The following SKAP2 variants were observed in gnomAD, a reference collection of about 807,000 sequenced individuals.
SKAP2 encodes src kinase-associated phosphoprotein 2.
SKAP2 carries 28 observed loss-of-function variants against 54.9 expected under a neutral mutation model. The observed-to-expected ratio is 0.51, with a 90% CI of 0.38 to 0.70. The LOEUF (loss-of-function observed/expected upper bound fraction) is 0.70, where lower values mean the gene tolerates loss of function less well. Ranked by LOEUF, SKAP2 falls within the 30% of genes least tolerant of loss-of-function variation. SKAP2 has a pLI of 0.00. For missense variants in SKAP2, 356 were observed against 424.1 expected (o/e 0.84, Z 1.41); for synonymous variants, 137 against 134.3 (o/e 1.02, Z -0.14).
chr7:26,731,716 CT>C (rs777421703), intron 6 of SKAP2, among the ~76,000 whole-genome samples: 2 of 152,114 alleles, frequency 1.3e-5, no homozygotes, highest in African/African-American at 2.4e-5. Context: ...TGTGATATTT[CT>C]TGTTGTATCC....
At chr7:26,739,805 C>T (rs1782390735) in intron 5 of SKAP2, 82 bp downstream of exon 5, 1 of 946,144 alleles carries the variant, frequency 1.1e-6, no homozygotes, top group Non-Finnish European at 1.6e-6. Context: ...AAAACGAATA[C>T]TGCCTCCACA....
At chr7:26,656,810 T>G in the SKAP2 span, among the ~76,000 whole-genome samples, 7 of 152,096 alleles carry the variant, frequency 4.6e-5, no homozygotes, top group Non-Finnish European at 7.4e-5. Flanking sequence ...TTTCTATGGT[T>G]CATCTACCAG....
intron 4 of SKAP2, among the ~76,000 whole-genome samples, chr7:26,808,459 G>T (rs946013087): frequency 3.3e-5 from 5 of 152,148 alleles, no homozygotes; most frequent in African/African-American, 1.2e-4. Flanking sequence ...GGGAGCAGAG[G>T]GTAGGGAGGT....
At chr7:26,693,638 T>A (rs1179578575) in intron 9 of SKAP2, among the ~76,000 whole-genome samples, 1 of 152,174 alleles carries the variant, frequency 6.6e-6, no homozygotes. Flanking sequence ...CTATAAAATA[T>A]CCAAATTGAA....
intron 9 of SKAP2, among the ~76,000 whole-genome samples, chr7:26,718,944 T>C (rs967971531): frequency 8.5e-5 from 13 of 152,144 alleles, no homozygotes; most frequent in African/African-American, 3.1e-4. Flanking sequence ...TTTGGGAGGA[T>C]GAGGCAGAAG....
chr7:26,667,340 T>C lies in SKAP2; in HGVS notation c.*2326A>G, dbSNP rs1288025310. On this transcript the variant is annotated 3_prime_UTR_variant, in exon 13 of 13. Coordinates refer to ENST00000345317, the MANE Select transcript of SKAP2 (RefSeq NM_003930.5). Reference sequence around the variant, plus strand: ...TTTAAATTTATATTAATGATATTATTATGATCTTGAAGAGTATGTGATATA... The same window carrying C: ...TTTAAATTTATATTAATGATATTATCATGATCTTGAAGAGTATGTGATATA... 3 of 152,200 alleles carry C rather than the reference T, an allele frequency of 2.0e-5. No individual in the cohort carries two copies. The highest frequency in any genetic ancestry group is 2.0e-4 in the Admixed American group (3 of 15,272). 9.4% of individuals were successfully genotyped at this position (152,200 alleles called of 1,614,324 possible).
intron 4 of SKAP2, among the ~76,000 whole-genome samples, chr7:26,806,737 G>A (rs1562618222): frequency 6.6e-6 from 1 of 152,184 alleles, no homozygotes; most frequent in Non-Finnish European, 1.5e-5. Flanking sequence ...CTGGATAGAA[G>A]ATTAAATCAG....
intron 6 of SKAP2, among the ~76,000 whole-genome samples, chr7:26,734,722 C>T (rs998041866): frequency 6.6e-6 from 1 of 152,134 alleles, no homozygotes; most frequent in African/African-American, 2.4e-5. Context: ...AATGCTGTAC[C>T]GTCACATGGC....
Position 26,677,394 on chromosome 7 carries a change from T to TAAAAAAAAAA in SKAP2, c.988-7212_988-7203dup, listed in dbSNP as rs1322136047. Among the ~76,000 whole-genome samples the TAAAAAAAAAA allele has an allele frequency of 1.0e-3, 74 of 72,930 alleles. 1 individual carries two copies. The highest frequency in any genetic ancestry group is 3.9e-3 in the African/African-American group (72 of 18,476). The allele number at this position is 72,930 out of a possible 152,430, so 47.8% of individuals were successfully genotyped here. On this transcript the variant is annotated intron_variant, in intron 11 of 12. Coordinates refer to ENST00000345317, the MANE Select transcript of SKAP2 (RefSeq NM_003930.5). ...GTGACAGAGCAAGACTCTGTCTCAA[T>TAAAAAAAAAA]AAAAAAAAAAAAAAAAAAAAAGAAG...
chr7:26,803,789 A>G (rs183844151), intron 4 of SKAP2, among the ~76,000 whole-genome samples: 115 of 152,358 alleles, frequency 7.5e-4, no homozygotes, highest in Admixed American at 3.5e-3. Context: ...ATTCAGCCAT[A>G]AAAAAGAATG....
intron 4 of SKAP2, among the ~76,000 whole-genome samples, chr7:26,823,838 T>C (rs1001726319): frequency 5.3e-5 from 8 of 152,184 alleles, no homozygotes; most frequent in African/African-American, 1.9e-4. Context: ...TGCAATCTCA[T>C]GATAAAACTT....
chr7:26,716,370 T>C (rs1489389290), intron 9 of SKAP2, among the ~76,000 whole-genome samples: 2 of 152,176 alleles, frequency 1.3e-5, no homozygotes, highest in Non-Finnish European at 2.9e-5. Context: ...TCTGTAGTCC[T>C]ATTATTGCTT....
At chr7:26,797,233 T>C (rs1783800292) in intron 4 of SKAP2, among the ~76,000 whole-genome samples, 1 of 152,214 alleles carries the variant, frequency 6.6e-6, no homozygotes, top group Non-Finnish European at 1.5e-5. Flanking sequence ...ATGGGGTGGT[T>C]ACAGCAGATC....
In SKAP2 at chr7:26,740,026, T is replaced by G. The variant is rs565187546; in HGVS notation, c.308-62A>C. The G allele has an allele frequency of 7.6e-5, 76 of 1,004,110 alleles. 1 individual carries two copies. In the South Asian group the frequency reaches 1.0e-3, roughly 14 times the overall value. 62.2% of individuals were successfully genotyped at this position (1,004,110 alleles called of 1,614,324 possible). A position where few individuals can be genotyped will look rare whatever the true frequency, so the allele number is the denominator to read the frequency against. ...GGTAATCCATTTCAGAATAAACAAG[T>G]GCCAGATCTCATTAGATTCAGTGTG... On this transcript the variant is annotated intron_variant, in intron 4 of 12. Coordinates refer to ENST00000345317, the MANE Select transcript of SKAP2 (RefSeq NM_003930.5).
intron 3 of SKAP2, among the ~76,000 whole-genome samples, chr7:26,846,186 A>C (rs76506637): frequency 6.6e-6 from 1 of 151,736 alleles, no homozygotes; most frequent in African/African-American, 2.4e-5. Flanking sequence ...ATCTTGCTGC[A>C]AAAAAAAGTA....
chr7:26,796,416 G>A (rs35887700), intron 4 of SKAP2, among the ~76,000 whole-genome samples: 2 of 152,202 alleles, frequency 1.3e-5, no homozygotes, highest in Admixed American at 6.5e-5. Flanking sequence ...GTGATCTCTT[G>A]TGGGTCTCAC....
chr7:26,801,340 T>C (rs934381974), intron 4 of SKAP2, among the ~76,000 whole-genome samples: 1 of 152,114 alleles, frequency 6.6e-6, no homozygotes, highest in Non-Finnish European at 1.5e-5. Flanking sequence ...AAAAACTGGG[T>C]ATAGAAGGAA....
intron 3 of SKAP2, among the ~76,000 whole-genome samples, chr7:26,847,040 G>A (rs1784937776): frequency 6.6e-6 from 1 of 151,898 alleles, no homozygotes; most frequent in Non-Finnish European, 1.5e-5. Flanking sequence ...ATATTAAAAT[G>A]AAATTGTCTT....
chr7:26,702,863 C>G (rs567316393), intron 9 of SKAP2, among the ~76,000 whole-genome samples: 27 of 152,286 alleles, frequency 1.8e-4, no homozygotes, highest in African/African-American at 6.5e-4. Flanking sequence ...TTCTAATTTG[C>G]GAATAGAGAT....
Sources: gnomAD v4.1 joint callset for allele counts (sites outside exome capture counted in the v4.1 genomes callset) on GRCh38, gnomAD v4.1.1 for gene constraint, MANE v1.5 for transcripts, NCBI Gene and HGNC (gene_info 2026-07-23, HGNC 2026-07-21) for gene names.